Variants in HMCN1 observed in about 807,000 individuals in gnomAD.
HMCN1 encodes hemicentin-1.
In HMCN1, 321 loss-of-function variants were observed where a neutral mutation model predicts 625.9. The ratio of observed to expected loss-of-function variants is 0.51; its 90% CI spans 0.47 to 0.56. The LOEUF (loss-of-function observed/expected upper bound fraction) is 0.56. Ranked by LOEUF, HMCN1 falls within the 20% of genes least tolerant of loss-of-function variation. The pLI is 0.00. For missense variants in HMCN1, 6,588 were observed against 6,887.3 expected (o/e 0.96, Z 1.54); for synonymous variants, 2,425 against 2,417.6 (o/e 1.00, Z -0.09).
rs121434382 is a variant in HMCN1 at position 186,178,506 on chromosome 1, A to G, written c.16034A>G (p.Gln5345Arg). Reference sequence around the variant, plus strand: ...TTCAAGTGTATCTGTCCACCAGGACAACATTTATTAGGGGACGGGAAATCT... The same window carrying G: ...TTCAAGTGTATCTGTCCACCAGGACGACATTTATTAGGGGACGGGAAATCT... Reference protein sequence around the residue: ...GSFKCICPPGQHLLGDGKSCA... With the variant: ...GSFKCICPPGRHLLGDGKSCA... The change falls in exon 104 of 107, where the codon CAA (glutamine) becomes CGA (arginine). Residue 5345 changes from glutamine to arginine, a missense_variant. This residue lies in a region of HMCN1 where 1,954 missense variants were observed against 2,013.1 expected (regional missense o/e 0.97). Transcript: ENST00000271588. The G allele has an allele frequency of 1.0e-3, 1,669 of 1,614,054 alleles. 3 individuals are homozygous for G. The highest frequency in any genetic ancestry group is 1.3e-3 in the Non-Finnish European group (1,580 of 1,179,932).
intron 6 of HMCN1, among the ~76,000 whole-genome samples, chr1:185,921,743 T>C (rs1402983008): frequency 2.6e-5 from 4 of 152,214 alleles, no homozygotes; most frequent in Non-Finnish European, 5.9e-5. Context: ...GGTGAACTCT[T>C]GTTCATAAGT....
At position 185,815,517 on chromosome 1, in the gene HMCN1, G is replaced by A. The variant is rs1007990816; in HGVS notation, c.269-30509G>A. ...TCCAGGAAGATTTGTTGAATGAAAG[G>A]ATGCATTTATATTGAATAGGAATTT... is the stretch of plus-strand genomic sequence containing the variant. On this transcript the variant is annotated intron_variant, in intron 1 of 106. Transcript: ENST00000271588. Among the ~76,000 whole-genome samples, 7 of 149,932 alleles carry A rather than the reference G, an allele frequency of 4.7e-5. 2 individuals are homozygous for A. The highest frequency in any genetic ancestry group is 1.5e-4 in the African/African-American group (6 of 39,420).
chr1:185,768,758 C>T (rs972798369), intron 1 of HMCN1, among the ~76,000 whole-genome samples: 5 of 152,014 alleles, frequency 3.3e-5, no homozygotes, highest in African/African-American at 1.2e-4. Flanking sequence ...CTAGCCTGGG[C>T]AACATAGTAG....
chr1:185,914,669 A>G (rs1192566728), intron 6 of HMCN1, among the ~76,000 whole-genome samples: 6 of 151,738 alleles, frequency 4.0e-5, no homozygotes, highest in South Asian at 2.1e-4. Context: ...ACTTATAACT[A>G]TCCCACAAAG....
At chr1:185,948,480 G>T (rs546558960) in intron 11 of HMCN1, among the ~76,000 whole-genome samples, 10 of 150,966 alleles carry the variant, frequency 6.6e-5, no homozygotes, top group African/African-American at 2.4e-4. Flanking sequence ...AGGAGTGGGG[G>T]TCGCAAGGTG....
At chr1:185,782,909 G>T (rs1657245597) in intron 1 of HMCN1, among the ~76,000 whole-genome samples, 2 of 152,164 alleles carry the variant, frequency 1.3e-5, no homozygotes, top group South Asian at 4.1e-4. Flanking sequence ...CTAGGTTGGG[G>T]AAGTTCTCCT....
At chr1:185,921,801 A>G (rs1667020690) in intron 6 of HMCN1, among the ~76,000 whole-genome samples, 1 of 152,206 alleles carries the variant, frequency 6.6e-6, no homozygotes, top group Non-Finnish European at 1.5e-5. Flanking sequence ...CTGACCTAAT[A>G]TTCAGATTCA....
At chr1:185,794,988 G>A (rs372097008) in intron 1 of HMCN1, among the ~76,000 whole-genome samples, 39 of 152,190 alleles carry the variant, frequency 2.6e-4, no homozygotes, top group African/African-American at 8.4e-4. Flanking sequence ...TACTTTCCCC[G>A]TTAAGGTCAC....
At chr1:185,762,252 A>G (rs536892296) in intron 1 of HMCN1, among the ~76,000 whole-genome samples, 1 of 152,262 alleles carries the variant, frequency 6.6e-6, no homozygotes, top group African/African-American at 2.4e-5. Flanking sequence ...ATCTCCATAT[A>G]TTTTTTAAAT....
intron 4 of HMCN1, among the ~76,000 whole-genome samples, chr1:185,903,719 T>C (rs755509667): frequency 1.7e-4 from 26 of 151,772 alleles, no homozygotes; most frequent in Non-Finnish European, 3.5e-4. Context: ...TGACACTGGA[T>C]TTGTCAGCCT....
rs754933690 is a variant in HMCN1 at position 186,086,389 on chromosome 1, A to G, written c.9028A>G (p.Asn3010Asp). The change falls in exon 58 of 107, where the codon AAT (asparagine) becomes GAT (aspartate). Residue 3010 changes from asparagine (N) to aspartate (D), a missense_variant. Physicochemically the swap from Asn to Asp is conservative, Grantham distance 23. Transcript: ENST00000271588. ...KNEQPIKLNTNTLIVPGGRTL... is the reference protein window; with the variant it reads ...KNEQPIKLNTDTLIVPGGRTL... Reference sequence around the variant, plus strand: ...TGAACAGCCCATCAAACTGAACACAAATACTCTCATTGTGCCTGGTAAGGA... The same window carrying G: ...TGAACAGCCCATCAAACTGAACACAGATACTCTCATTGTGCCTGGTAAGGA... 5.1e-5 allele frequency: 82 copies of G among 1,613,066 alleles called. No homozygotes were observed. Among genetic ancestry groups the G allele is most frequent in the Non-Finnish European group, 6.6e-5 (78 of 1,179,472 alleles).
At chr1:186,167,361 G>A (rs1179342941) in intron 100 of HMCN1, among the ~76,000 whole-genome samples, 1 of 152,126 alleles carries the variant, frequency 6.6e-6, no homozygotes, top group Admixed American at 6.5e-5. Flanking sequence ...TAGGTTCACA[G>A]CAAAATTGAG....
intron 2 of HMCN1, among the ~76,000 whole-genome samples, chr1:185,850,743 C>T (rs1396299249): frequency 6.6e-6 from 1 of 152,066 alleles, no homozygotes; most frequent in Non-Finnish European, 1.5e-5. Context: ...CTGTAGGTTT[C>T]CCCTGGACAG....
chr1:185,796,477 C>T (rs1658383450), intron 1 of HMCN1, among the ~76,000 whole-genome samples: 1 of 152,216 alleles, frequency 6.6e-6, no homozygotes, highest in South Asian at 2.1e-4. Context: ...CTCCCTATGT[C>T]CATGCGTACA....
chr1:186,155,388 ACGAGCTGC>A (rs1558265401), intron 97 of HMCN1, among the ~76,000 whole-genome samples: 3 of 152,148 alleles, frequency 2.0e-5, no homozygotes, highest in Non-Finnish European at 4.4e-5. Context: ...AACAAAAGAA[ACGAGCTGC>A]CAGAATGAGG....
intron 1 of HMCN1, among the ~76,000 whole-genome samples, chr1:185,810,191 A>G (rs113646584): frequency 0.015 from 2,307 of 152,206 alleles, 36 homozygotes; most frequent in South Asian, 0.031. Flanking sequence ...AAATAATCCA[A>G]TCTAGTCTCT....
chr1:185,775,862 A>T (rs904402632), intron 1 of HMCN1, among the ~76,000 whole-genome samples: 3 of 152,164 alleles, frequency 2.0e-5, no homozygotes, highest in African/African-American at 4.8e-5. Flanking sequence ...TTGGGCTGGG[A>T]TAGGGAAAGC....
intron 1 of HMCN1, among the ~76,000 whole-genome samples, chr1:185,828,773 C>T (rs1046740651): frequency 1.3e-5 from 2 of 151,964 alleles, no homozygotes; most frequent in African/African-American, 4.8e-5. Context: ...AAACTCATGT[C>T]AAACAGGAAA....
intron 1 of HMCN1, among the ~76,000 whole-genome samples, chr1:185,755,435 C>G (rs1226778383): frequency 6.6e-6 from 1 of 152,158 alleles, no homozygotes; most frequent in South Asian, 2.1e-4. Context: ...CAAGAAACAT[C>G]ACAATCGGTC....
Sources: gnomAD v4.1 joint callset for allele counts (sites outside exome capture counted in the v4.1 genomes callset) on GRCh38, gnomAD v4.1.1 for gene constraint, gnomAD v4.1.1 regional missense constraint, MANE v1.5 for transcripts, NCBI Gene and HGNC (gene_info 2026-07-23, HGNC 2026-07-21) for gene names.